NELL1: variants seen among roughly 807,000 people sequenced by gnomAD.
NELL1 encodes protein kinase C-binding protein NELL1.
NELL1 carries 76 observed loss-of-function variants against 107.4 expected under a neutral mutation model. That is an observed-to-expected ratio of 0.71 (90% CI 0.59 to 0.86). NELL1 has a LOEUF of 0.86. Ranked by LOEUF, NELL1 falls within the 40% of genes least tolerant of loss-of-function variation. The pLI is 0.00. For missense variants in NELL1, 1,024 were observed against 1,005.5 expected (o/e 1.02, Z -0.25); for synonymous variants, 353 against 341.2 (o/e 1.03, Z -0.38).
chr11:20,942,629 T>C (rs1564978776), intron 10 of NELL1, among the ~76,000 whole-genome samples: 1 of 152,218 alleles, frequency 6.6e-6, no homozygotes, highest in Non-Finnish European at 1.5e-5. Context: ...ATGTGAGCTA[T>C]TTTTGTTATT....
In NELL1 at chr11:21,544,072, A is replaced by C. The variant is rs111784836; in HGVS notation, c.1786+9558A>C. On this transcript the variant is annotated intron_variant, in intron 16 of 19. Transcript: ENST00000357134. The stretch of plus-strand genomic sequence containing the variant: ...CTATGACTAGTCATAAAGAAAAAGA[A>C]AAAAACTACAACTTTGGACCATGAC... Among the ~76,000 whole-genome samples, 380 of 152,134 alleles carry C rather than the reference A, an allele frequency of 2.5e-3. 2 individuals are homozygous for C. Among genetic ancestry groups the C allele is most frequent in the African/African-American group, 8.9e-3 (369 of 41,534 alleles).
At chr11:21,229,219 G>T in intron 13 of NELL1, 113 bp from the exon 14 acceptor site, 1 of 1,220,120 alleles carries the variant, frequency 8.2e-7, no homozygotes, top group East Asian at 2.6e-5. Context: ...GTAAGGTACT[G>T]ACAAGTGGTA....
intron 14 of NELL1, among the ~76,000 whole-genome samples, chr11:21,299,198 A>G (rs1408503816): frequency 1.3e-5 from 2 of 152,002 alleles, no homozygotes; most frequent in African/African-American, 4.8e-5. Context: ...AGTTTTATTA[A>G]GCTATTTTCA....
chr11:20,763,518 T>C (rs1343940419), intron 2 of NELL1, among the ~76,000 whole-genome samples: 1 of 152,188 alleles, frequency 6.6e-6, no homozygotes, highest in Non-Finnish European at 1.5e-5. Context: ...ATCACCCAGA[T>C]ACTAAGTGGC....
chr11:21,453,684 T>G (rs1052455462), intron 15 of NELL1, among the ~76,000 whole-genome samples: 1 of 152,232 alleles, frequency 6.6e-6, no homozygotes. Flanking sequence ...TTAAATTTTA[T>G]TTACACCATC....
At chr11:20,885,625 T>C (rs1391807431) in intron 5 of NELL1, 85 bp downstream of exon 5, 288 of 845,760 alleles carry the variant, frequency 3.4e-4, no homozygotes, top group Non-Finnish European at 3.6e-5. Flanking sequence ...GTGTTTATAA[T>C]TACATTAGTG....
intron 12 of NELL1, among the ~76,000 whole-genome samples, chr11:20,961,556 A>G (rs536240605): frequency 1.3e-5 from 2 of 152,318 alleles, no homozygotes; most frequent in South Asian, 2.1e-4. Flanking sequence ...CAGGTATTCT[A>G]AAGGTAAAGA....
chr11:21,314,003 C>T (rs1053347260), intron 14 of NELL1, among the ~76,000 whole-genome samples: 1,365 of 113,612 alleles, frequency 0.012, 155 homozygotes, highest in African/African-American at 0.047. Context: ...CCCCCCCCCC[C>T]CCCCCCGCGA....
chr11:21,171,299 T>TAC (rs1343252985), intron 13 of NELL1, among the ~76,000 whole-genome samples: 1 of 151,686 alleles, frequency 6.6e-6, no homozygotes, highest in African/African-American at 2.4e-5. Context: ...TATATAATTA[T>TAC]ACACACACAC....
intron 12 of NELL1, among the ~76,000 whole-genome samples, chr11:21,036,823 T>A (rs1853104656): frequency 6.6e-6 from 1 of 152,064 alleles, no homozygotes; most frequent in Non-Finnish European, 1.5e-5. Context: ...TTTGATAGGA[T>A]CTTTTTCCTT....
At chr11:21,329,262 CA>C (rs1850217841) in intron 14 of NELL1, among the ~76,000 whole-genome samples, 1 of 152,084 alleles carries the variant, frequency 6.6e-6, no homozygotes, top group Admixed American at 6.6e-5. Flanking sequence ...TGAGTTCTCA[CA>C]GGATGGTTTT....
At chr11:21,364,858 C>A (rs1222922418) in intron 14 of NELL1, among the ~76,000 whole-genome samples, 2 of 152,270 alleles carry the variant, frequency 1.3e-5, no homozygotes, top group Non-Finnish European at 2.9e-5. Context: ...TTCTAAAATG[C>A]TCCTGCTTCT....
At chr11:20,843,111 C>A (rs1008945537) in intron 3 of NELL1, among the ~76,000 whole-genome samples, 5 of 152,232 alleles carry the variant, frequency 3.3e-5, no homozygotes, top group Admixed American at 2.0e-4. Context: ...TACTCTCTCT[C>A]TATATGTGGT....
chr11:20,744,213 A>G (rs1263318371), intron 2 of NELL1, among the ~76,000 whole-genome samples: 2 of 152,134 alleles, frequency 1.3e-5, no homozygotes, highest in Non-Finnish European at 2.9e-5. Flanking sequence ...TACAGGCAAC[A>G]CTCTTATGCT....
chr11:21,487,857 G>T (rs1227106234), intron 15 of NELL1, among the ~76,000 whole-genome samples: 1 of 152,054 alleles, frequency 6.6e-6, no homozygotes, highest in African/African-American at 2.4e-5. Flanking sequence ...TCAAACAGAA[G>T]CTAACAACCG....
chr11:21,307,748 A>C (rs1370487120), intron 14 of NELL1, among the ~76,000 whole-genome samples: 1 of 151,946 alleles, frequency 6.6e-6, no homozygotes, highest in Admixed American at 6.6e-5. Context: ...TAACAGGCAA[A>C]ATTTATTTAT....
intron 13 of NELL1, among the ~76,000 whole-genome samples, chr11:21,188,167 A>T (rs1343429654): frequency 1.3e-5 from 2 of 151,904 alleles, no homozygotes; most frequent in Non-Finnish European, 2.9e-5. Context: ...GAAGAAATCT[A>T]ATGGTAAATG....
At chr11:20,774,063 TG>T (rs1453320090) in intron 2 of NELL1, among the ~76,000 whole-genome samples, 2 of 61,758 alleles carry the variant, frequency 3.2e-5, no homozygotes, top group Admixed American at 5.3e-4. Flanking sequence ...CCTCCCCTCC[TG>T]TCCCCTTCCC....
chr11:21,394,440 G>A (rs1564873546), intron 15 of NELL1, among the ~76,000 whole-genome samples: 1 of 151,312 alleles, frequency 6.6e-6, no homozygotes, highest in Non-Finnish European at 1.5e-5. Flanking sequence ...ATATATGTGT[G>A]TATATATATG....
Sources: gnomAD v4.1 joint callset for allele counts (sites outside exome capture counted in the v4.1 genomes callset) on GRCh38, gnomAD v4.1.1 for gene constraint, MANE v1.5 for transcripts, NCBI Gene and HGNC (gene_info 2026-07-23, HGNC 2026-07-21) for gene names.